The following SCAF8 variants were observed in gnomAD, a reference collection of about 807,000 sequenced individuals.
SCAF8 encodes the protein SR-related CTD associated factor 8, also known as SR-related and CTD-associated factor 8.
Under a neutral mutation model 140.5 loss-of-function variants are expected in SCAF8, and 23 were observed. That is an observed-to-expected ratio of 0.16 (90% CI 0.12 to 0.23). The LOEUF (loss-of-function observed/expected upper bound fraction) is 0.23, where lower values mean the gene tolerates loss of function less well. SCAF8 is among the 10% of genes least tolerant of loss of function. The pLI is 1.00. For missense variants in SCAF8, 1,397 were observed against 1,555.7 expected, an observed-to-expected ratio of 0.90 and a Z score of 1.72; for synonymous variants, 575 against 528.9, an observed-to-expected ratio of 1.09 and a Z score of -1.20.
chr6:154,733,383 TC>T, upstream of SCAF8: 8 of 1,336,148 alleles, frequency 6.0e-6, no homozygotes, highest in South Asian at 1.9e-5. Flanking sequence ...GCGCCGCGGA[TC>T]CCCGAACTGC....
intron 9 of SCAF8, among the ~76,000 whole-genome samples, chr6:154,806,129 A>G (rs996925557): frequency 6.6e-6 from 1 of 152,208 alleles, no homozygotes; most frequent in Non-Finnish European, 1.5e-5. Flanking sequence ...ATGCATAGCT[A>G]AGAATTTTAA....
intron 3 of SCAF8, among the ~76,000 whole-genome samples, chr6:154,782,929 G>T (rs200981842): frequency 2.6e-5 from 4 of 152,088 alleles, no homozygotes; most frequent in Non-Finnish European, 5.9e-5. Context: ...TCCTTTGGCA[G>T]CACCCTCACA....
chr6:154,738,922 G>A (rs532319239), intron 1 of SCAF8, among the ~76,000 whole-genome samples: 72 of 152,216 alleles, frequency 4.7e-4, no homozygotes, highest in Non-Finnish European at 9.4e-4. Context: ...AAAAGGGGTC[G>A]TGAGACAGTG....
chr6:154,809,869 G>A (rs943368652), intron 11 of SCAF8, 146 bp from the exon 12 acceptor site: 16 of 739,444 alleles, frequency 2.2e-5, no homozygotes, highest in Non-Finnish European at 3.5e-5. Context: ...GCATTTTTGA[G>A]ACTTGATTTT....
chr6:154,784,120 G>GATATAGATATATATATAT (rs1777168320), intron 3 of SCAF8, among the ~76,000 whole-genome samples: 1 of 106,832 alleles, frequency 9.4e-6, no homozygotes, highest in African/African-American at 3.2e-5. Flanking sequence ...GGTGTCTTGA[G>GATATAGATATATATATAT]ATATATATAT....
At chr6:154,794,220 G>C (rs148305685) in intron 5 of SCAF8, among the ~76,000 whole-genome samples, 1 of 152,074 alleles carries the variant, frequency 6.6e-6, no homozygotes, top group African/African-American at 2.4e-5. Flanking sequence ...ATGAACCACT[G>C]TACCTGGCCC....
At chr6:154,773,555 C>A (rs1385078500) in intron 1 of SCAF8, among the ~76,000 whole-genome samples, 5 of 152,044 alleles carry the variant, frequency 3.3e-5, no homozygotes, top group Non-Finnish European at 5.9e-5. Flanking sequence ...CTTTTTGAAC[C>A]CTCAGACGGG....
intron 6 of SCAF8, among the ~76,000 whole-genome samples, chr6:154,795,460 G>C (rs1325678888): frequency 6.6e-6 from 1 of 152,148 alleles, no homozygotes; most frequent in African/African-American, 2.4e-5. Context: ...TATCTTAAGG[G>C]GGACAGATGG....
At chr6:154,778,601 C>CTT (rs1285344557) in intron 3 of SCAF8, among the ~76,000 whole-genome samples, 5 of 152,040 alleles carry the variant, frequency 3.3e-5, no homozygotes, top group Non-Finnish European at 7.4e-5. Context: ...TGTGTGTTTA[C>CTT]TAAAAGTACA....
chr6:154,757,053 TCTCA>T (rs770864083), intron 1 of SCAF8, among the ~76,000 whole-genome samples: 38 of 152,012 alleles, frequency 2.5e-4, no homozygotes, highest in Non-Finnish European at 3.8e-4. Context: ...TTTTTTTGAG[TCTCA>T]CTCTGTTGCC....
chr6:154,821,337 TTC>T (rs952949567), intron 15 of SCAF8, among the ~76,000 whole-genome samples: 7 of 152,146 alleles, frequency 4.6e-5, no homozygotes, highest in African/African-American at 7.2e-5. Context: ...TGTTTTCCTA[TTC>T]TGTTTTACTT....
At position 154,834,125 on chromosome 6, in the gene SCAF8, T is replaced by C. The variant is rs552566479; in HGVS notation, c.*730T>C. On this transcript the variant is annotated 3_prime_UTR_variant, in exon 20 of 20. Transcript: ENST00000367178. ...TTAAAACCTTGAATTATTATTAGCA[T>C]GTGCTTATTTTTTGCAAAAGCTTTC... 1 of 152,352 alleles carries C rather than the reference T, an allele frequency of 6.6e-6. No homozygotes were observed. Among genetic ancestry groups the C allele is most frequent in the East Asian group, 1.9e-4 (1 of 5,192 alleles). The allele number at this position is 152,352 out of a possible 1,614,324, so 9.4% of individuals were successfully genotyped here. A position where few individuals can be genotyped will look rare whatever the true frequency, so the allele number is the denominator to read the frequency against.
At chr6:154,774,330 T>C (rs1195020704) in intron 2 of SCAF8, among the ~76,000 whole-genome samples, 1 of 152,194 alleles carries the variant, frequency 6.6e-6, no homozygotes, top group Non-Finnish European at 1.5e-5. Context: ...GCCACGATCA[T>C]AGCTCACTGT....
intron 2 of SCAF8, among the ~76,000 whole-genome samples, chr6:154,775,849 A>C (rs1163188707): frequency 6.6e-6 from 1 of 151,956 alleles, no homozygotes; most frequent in Non-Finnish European, 1.5e-5. Context: ...ATTTTGAAAA[A>C]ATTTAAACCT....
chr6:154,787,853 T>C lies in SCAF8; in HGVS notation c.160-8T>C. ...TCCTTTCCTTTTCATTCTTCTTTTT[T>C]TCATCAGTGTAAACCAGAATACAAA... On this transcript the variant is annotated splice_polypyrimidine_tract_variant and splice_region_variant and intron_variant, in intron 3 of 19. Coordinates refer to ENST00000367178, the MANE Select transcript of SCAF8 (RefSeq NM_014892.5). 1.9e-6 allele frequency: 3 copies of C among 1,580,566 alleles called. No individual in the cohort carries two copies. The highest frequency in any genetic ancestry group is 2.6e-6 in the Non-Finnish European group (3 of 1,164,868).
intron 1 of SCAF8, among the ~76,000 whole-genome samples, chr6:154,741,446 G>T (rs557261206): frequency 2.6e-5 from 4 of 151,208 alleles, no homozygotes; most frequent in African/African-American, 9.7e-5. Context: ...TTGCTTCTTC[G>T]CCCGGGCTGG....
At chr6:154,745,949 G>A (rs1778689067) in intron 1 of SCAF8, among the ~76,000 whole-genome samples, 1 of 152,112 alleles carries the variant, frequency 6.6e-6, no homozygotes, top group Non-Finnish European at 1.5e-5. Flanking sequence ...GCAGTGGCTT[G>A]ATCTCAGCTC....
At chr6:154,796,389 C>CTCTCTCTGTCTG (rs376622207) in intron 6 of SCAF8, among the ~76,000 whole-genome samples, 4,690 of 140,878 alleles carry the variant, frequency 0.033, 153 homozygotes, top group East Asian at 0.073. Context: ...CTCTCTCTCT[C>CTCTCTCTGTCTG]TCTGTCTCTC....
chr6:154,830,865 C>T (rs1778710006), intron 18 of SCAF8, 57 bp from the exon 19 acceptor site: 5 of 1,341,090 alleles, frequency 3.7e-6, no homozygotes, highest in Non-Finnish European at 5.3e-6. Flanking sequence ...TGCCAGAAAA[C>T]TTAGCACATG....
Sources: allele counts gnomAD v4.1 joint callset (sites outside exome capture counted in the v4.1 genomes callset), GRCh38; gene constraint gnomAD v4.1.1; transcripts MANE v1.5; gene names NCBI Gene and HGNC (gene_info 2026-07-23, HGNC 2026-07-21).